DISC1: variants seen among roughly 807,000 people sequenced by gnomAD.
DISC1 encodes DISC1 scaffold protein.
DISC1 carries 57 observed loss-of-function variants against 84.5 expected under a neutral mutation model. The observed-to-expected ratio is 0.67, with a 90% CI of 0.55 to 0.84. DISC1 has a LOEUF of 0.84. Ranked by LOEUF, DISC1 falls within the 40% of genes least tolerant of loss-of-function variation. The pLI, the probability that DISC1 is intolerant of heterozygous loss-of-function variation, is 0.00. For synonymous variants in DISC1, 411 were observed against 415.2 expected (o/e 0.99, Z 0.12); for missense variants, 1,000 against 1,057.8 (o/e 0.95, Z 0.76).
chr1:231,829,839 A>G (rs1574125056), intron 9 of DISC1, among the ~76,000 whole-genome samples: 1 of 120,554 alleles, frequency 8.3e-6, no homozygotes. Context: ...TTACAGTCAA[A>G]GGGGGGTTGT....
At chr1:231,847,580 C>T (rs1182355813) in intron 9 of DISC1, among the ~76,000 whole-genome samples, 2 of 152,212 alleles carry the variant, frequency 1.3e-5, no homozygotes, top group Non-Finnish European at 2.9e-5. Flanking sequence ...CCGGACCCTT[C>T]TCCGTCCTCG....
intron 12 of DISC1, among the ~76,000 whole-genome samples, chr1:232,028,229 A>G (rs935907088): frequency 6.6e-6 from 1 of 152,230 alleles, no homozygotes; most frequent in Admixed American, 6.5e-5. Context: ...ACAGAGGAGG[A>G]GTCCGCTGCA....
chr1:232,006,925 C>T (rs571200734), intron 10 of DISC1, among the ~76,000 whole-genome samples: 1 of 152,196 alleles, frequency 6.6e-6, no homozygotes, highest in East Asian at 1.9e-4. Flanking sequence ...GGACTTGGTG[C>T]CCTCTGTCCC....
chr1:231,700,314 TGAA>T (rs1195694808), intron 2 of DISC1, among the ~76,000 whole-genome samples: 7 of 152,200 alleles, frequency 4.6e-5, no homozygotes, highest in African/African-American at 1.4e-4. Context: ...CTACTCAAGA[TGAA>T]GATGATCCAC....
Position 231,626,905 on chromosome 1 carries a change from C to G in DISC1, c.38C>G (p.Ala13Gly), listed in dbSNP as rs79978593. 5,646 of 1,502,518 alleles carry G rather than the reference C, an allele frequency of 3.8e-3. 11 individuals are homozygous for G. The highest frequency in any genetic ancestry group is 4.6e-3 in the Non-Finnish European group (5,162 of 1,134,088). The allele number at this position is 1,502,518 out of a possible 1,614,324, so 93.1% of individuals were successfully genotyped here. The change falls in exon 1 of 13, where the codon GCC becomes GGC. Residue 13 changes from alanine (A) to glycine (G), a missense_variant. Ala to Gly is a moderately conservative substitution (Grantham distance 60). Coordinates refer to ENST00000439617, the MANE Select transcript of DISC1 (RefSeq NM_018662.3). The part of the protein sequence containing the change: ...GGGPQGAPAA[A>G]GGGGVSHRAG... Reference sequence around the variant, plus strand: ...GGTCCTCAGGGCGCCCCAGCCGCCGCCGGCGGCGGCGGCGTGAGCCACCGC... The same window carrying G: ...GGTCCTCAGGGCGCCCCAGCCGCCGGCGGCGGCGGCGGCGTGAGCCACCGC...
At chr1:231,657,849 C>G (rs749431623) in intron 1 of DISC1, among the ~76,000 whole-genome samples, 4 of 152,026 alleles carry the variant, frequency 2.6e-5, no homozygotes, top group Non-Finnish European at 5.9e-5. Flanking sequence ...TGTGTCTGTT[C>G]CTGTACCAAT....
At chr1:231,789,155 A>T (rs546686946) in intron 6 of DISC1, among the ~76,000 whole-genome samples, 2 of 152,208 alleles carry the variant, frequency 1.3e-5, no homozygotes, top group Non-Finnish European at 2.9e-5. Flanking sequence ...TACAGCTGTC[A>T]ATGGAGTAGT....
chr1:231,945,701 CAGAT>C (rs567580373), intron 9 of DISC1, among the ~76,000 whole-genome samples: 327 of 152,048 alleles, frequency 2.2e-3, no homozygotes, highest in African/African-American at 7.3e-3. Context: ...ATCAACAAGA[CAGAT>C]AGACCACTAG....
chr1:231,931,224 C>T (rs912440259), intron 9 of DISC1, among the ~76,000 whole-genome samples: 13 of 152,236 alleles, frequency 8.5e-5, no homozygotes, highest in Middle Eastern at 3.4e-3. Context: ...GTCGTTAATA[C>T]GAAAGAAGCT....
intron 10 of DISC1, among the ~76,000 whole-genome samples, chr1:231,975,596 T>A (rs1174004868): frequency 6.6e-6 from 1 of 152,152 alleles, no homozygotes; most frequent in Non-Finnish European, 1.5e-5. Flanking sequence ...ATTTGGCATA[T>A]ATACACAATG....
At chr1:231,870,264 G>A (rs2085361931) in intron 9 of DISC1, among the ~76,000 whole-genome samples, 1 of 152,260 alleles carries the variant, frequency 6.6e-6, no homozygotes, top group African/African-American at 2.4e-5. Context: ...TAAGATAAGG[G>A]CCAGTGTGAT....
chr1:231,776,406 G>A (rs2076966948), intron 6 of DISC1, among the ~76,000 whole-genome samples: 1 of 152,220 alleles, frequency 6.6e-6, no homozygotes, highest in South Asian at 2.1e-4. Context: ...GAAGAAACAT[G>A]TCACATCTTT....
intron 4 of DISC1, among the ~76,000 whole-genome samples, chr1:231,752,910 A>C (rs2074764730): frequency 6.6e-6 from 1 of 152,272 alleles, no homozygotes; most frequent in Non-Finnish European, 1.5e-5. Flanking sequence ...TTAAAGCTCC[A>C]AAATAATCTC....
At chr1:231,652,069 C>A (rs1162548419) in intron 1 of DISC1, among the ~76,000 whole-genome samples, 6 of 152,228 alleles carry the variant, frequency 3.9e-5, no homozygotes, top group African/African-American at 1.4e-4. Flanking sequence ...CCCCGCCCTG[C>A]TTCGGCTCAC....
At chr1:231,963,404 T>G (rs1660658271) in intron 10 of DISC1, among the ~76,000 whole-genome samples, 1 of 152,162 alleles carries the variant, frequency 6.6e-6, no homozygotes. Context: ...AACCCAATAT[T>G]TAGGGATTTG....
intron 12 of DISC1, among the ~76,000 whole-genome samples, chr1:232,033,485 T>G (rs570222187): frequency 2.6e-5 from 4 of 152,288 alleles, no homozygotes; most frequent in African/African-American, 9.6e-5. Context: ...ACCCCTCTGC[T>G]CCAGGTCCTC....
intron 1 of DISC1, among the ~76,000 whole-genome samples, chr1:231,648,084 T>C (rs1048488407): frequency 2.6e-5 from 4 of 152,254 alleles, no homozygotes; most frequent in African/African-American, 9.6e-5. Context: ...TGGCCAGAAC[T>C]TCCAACACTA....
Position 231,795,249 on chromosome 1 carries a change from G to A in DISC1, c.1642G>A (p.Glu548Lys). The change falls in exon 7 of 13, where the codon GAA (glutamate) becomes AAA (lysine). Residue 548 changes from glutamate to lysine, a missense_variant. Physicochemically the swap from Glu to Lys is moderately conservative, Grantham distance 56. Transcript: ENST00000439617. ...EPPETIRSLQ[E>K]RIKSLNLSLK... ...TCTTTTTAATTCTTCCAGCCTCCAG[G>A]AAAGAATAAAATCCCTCAACTTGTC... is the stretch of plus-strand genomic sequence containing the variant. The A allele has an allele frequency of 5.6e-6, 9 of 1,613,580 alleles. No individual in the cohort carries two copies. Among genetic ancestry groups the A allele is most frequent in the Non-Finnish European group, 6.8e-6 (8 of 1,179,640 alleles).
At chr1:231,719,620 G>T (rs2069328999) in intron 3 of DISC1, among the ~76,000 whole-genome samples, 1 of 152,084 alleles carries the variant, frequency 6.6e-6, no homozygotes, top group Non-Finnish European at 1.5e-5. Flanking sequence ...TAAATATTTG[G>T]GTTATGTATC....
Sources: gnomAD v4.1 joint callset for allele counts (sites outside exome capture counted in the v4.1 genomes callset) on GRCh38, gnomAD v4.1.1 for gene constraint, MANE v1.5 for transcripts, NCBI Gene and HGNC (gene_info 2026-07-23, HGNC 2026-07-21) for gene names.